The following LRP1B variants were observed in gnomAD, a reference collection of about 807,000 sequenced individuals.
LRP1B encodes LDL receptor related protein 1B.
LRP1B carries 217 observed loss-of-function variants against 556.6 expected under a neutral mutation model. The ratio of observed to expected loss-of-function variants is 0.39; its 90% CI spans 0.35 to 0.44. The LOEUF (loss-of-function observed/expected upper bound fraction) is 0.44, where lower values mean the gene tolerates loss of function less well. LRP1B is among the 20% of genes least tolerant of loss of function. The pLI, the probability that LRP1B is intolerant of heterozygous loss-of-function variation, is 1.00. For missense variants in LRP1B, 5,053 were observed against 5,620.8 expected, an observed-to-expected ratio of 0.90 and a Z score of 3.23; for synonymous variants, 2,047 against 1,865.8, an observed-to-expected ratio of 1.10 and a Z score of -2.50.
chr2:141,335,126 A>G (rs1303944047), intron 3 of LRP1B, among the ~76,000 whole-genome samples: 1 of 152,228 alleles, frequency 6.6e-6, no homozygotes, highest in Non-Finnish European at 1.5e-5. Flanking sequence ...ATAGCTACAA[A>G]TACTACAACT....
chr2:141,626,587 A>C (rs1166369852), intron 2 of LRP1B, among the ~76,000 whole-genome samples: 1 of 152,202 alleles, frequency 6.6e-6, no homozygotes, highest in Non-Finnish European at 1.5e-5. Flanking sequence ...CAAAATATAC[A>C]AAAAACTCTT....
chr2:140,924,961 T>C (rs982700554), intron 20 of LRP1B, among the ~76,000 whole-genome samples: 2 of 152,082 alleles, frequency 1.3e-5, no homozygotes, highest in Non-Finnish European at 2.9e-5. Flanking sequence ...CAAATGTATT[T>C]AGAAAATATC....
chr2:140,312,856 G>A (rs1291774112), intron 83 of LRP1B, among the ~76,000 whole-genome samples: 1 of 151,898 alleles, frequency 6.6e-6, no homozygotes, highest in African/African-American at 2.4e-5. Context: ...CCTCAACGAT[G>A]TGTACTTTTA....
At chr2:141,725,766 G>T (rs571263099) in intron 2 of LRP1B, among the ~76,000 whole-genome samples, 1 of 151,726 alleles carries the variant, frequency 6.6e-6, no homozygotes, top group Admixed American at 6.6e-5. Context: ...GTAGCTGAGA[G>T]AACACAGGGC....
At position 140,735,430 on chromosome 2, in the gene LRP1B, C is replaced by T. The variant is rs118039769; in HGVS notation, c.5759-18614G>A. ...TAGATTACAAAGAGGCTCATAACTCCCATGGTAGAAAAATGGACACAGCTG... is the reference window on the plus strand; with the variant it reads ...TAGATTACAAAGAGGCTCATAACTCTCATGGTAGAAAAATGGACACAGCTG... On this transcript the variant is annotated intron_variant, in intron 35 of 90. Coordinates refer to ENST00000389484, the MANE Select transcript of LRP1B (RefSeq NM_018557.3). 1.5e-3 allele frequency among the ~76,000 whole-genome samples: 235 copies of T among 152,180 alleles called. 4 individuals carry two copies. The East Asian group carries it at 0.038, about 25-fold the overall frequency.
intron 83 of LRP1B, among the ~76,000 whole-genome samples, chr2:140,308,403 T>C (rs1573767123): frequency 6.6e-6 from 1 of 151,976 alleles, no homozygotes; most frequent in South Asian, 2.1e-4. Context: ...CTAGCAAAAG[T>C]AATTCCTTCT....
chr2:141,364,658 C>T (rs1039182083), intron 3 of LRP1B, among the ~76,000 whole-genome samples: 2 of 152,056 alleles, frequency 1.3e-5, no homozygotes, highest in African/African-American at 4.8e-5. Flanking sequence ...TTCTATATCC[C>T]AAAGTACTTC....
intron 21 of LRP1B, among the ~76,000 whole-genome samples, chr2:140,909,992 T>C (rs969893787): frequency 6.6e-6 from 1 of 151,042 alleles, no homozygotes; most frequent in African/African-American, 2.4e-5. Context: ...GTACAGATAA[T>C]AATTTTCTCT....
At chr2:140,652,173 G>C (rs1056918277) in intron 41 of LRP1B, among the ~76,000 whole-genome samples, 11 of 151,794 alleles carry the variant, frequency 7.2e-5, no homozygotes, top group Non-Finnish European at 1.0e-4. Flanking sequence ...AATAATGCAA[G>C]TACAAAATTA....
chr2:140,937,578 T>G (rs1464149366), intron 20 of LRP1B, among the ~76,000 whole-genome samples: 1 of 152,120 alleles, frequency 6.6e-6, no homozygotes, highest in Non-Finnish European at 1.5e-5. Context: ...AAATGTGCAC[T>G]TAAAATCTTT....
intron 35 of LRP1B, among the ~76,000 whole-genome samples, chr2:140,768,707 G>A (rs1419366416): frequency 1.3e-5 from 2 of 151,830 alleles, no homozygotes; most frequent in African/African-American, 4.8e-5. Flanking sequence ...AGAAGGTAAA[G>A]TAAAATCTGA....
intron 2 of LRP1B, among the ~76,000 whole-genome samples, chr2:141,522,514 C>T (rs971893305): frequency 1.3e-5 from 2 of 152,046 alleles, no homozygotes. Context: ...AAGATCAGAT[C>T]GTATCTATAT....
At position 141,933,817 on chromosome 2, in the gene LRP1B, T is replaced by G. The variant is rs756514043; in HGVS notation, c.83-123416A>C. Among the ~76,000 whole-genome samples the G allele has an allele frequency of 8.5e-5, 13 of 152,278 alleles. No individual in the cohort carries two copies. In the South Asian group the frequency reaches 2.5e-3, roughly 29 times the overall value. On this transcript the variant is annotated intron_variant, in intron 1 of 90. Coordinates refer to ENST00000389484, the MANE Select transcript of LRP1B (RefSeq NM_018557.3). Reference sequence around the variant, plus strand: ...GAGGTTCTACAAAGCTCTAAATGAATGCTTCTTTAGGTCATTAGCCAAGAC... The same window carrying G: ...GAGGTTCTACAAAGCTCTAAATGAAGGCTTCTTTAGGTCATTAGCCAAGAC...
At position 141,964,664 on chromosome 2, in the gene LRP1B, C is replaced by G. The variant is rs1055182211; in HGVS notation, c.83-154263G>C. On this transcript the variant is annotated intron_variant, in intron 1 of 90. Coordinates refer to ENST00000389484, the MANE Select transcript of LRP1B (RefSeq NM_018557.3). Reference sequence around the variant, plus strand: ...ACCCTAGAAGAAAACCTAGGCATTACCATTCAGGACATAGGCGTGGGCAAG... The same window carrying G: ...ACCCTAGAAGAAAACCTAGGCATTAGCATTCAGGACATAGGCGTGGGCAAG... 7.3e-5 allele frequency among the ~76,000 whole-genome samples: 11 copies of G among 150,150 alleles called. No individual in the cohort carries two copies. The South Asian group carries it at 2.1e-3, about 29-fold the overall frequency.
intron 41 of LRP1B, among the ~76,000 whole-genome samples, chr2:140,666,301 T>TACACACACAC (rs56905500): frequency 1.9e-4 from 28 of 147,790 alleles, no homozygotes; most frequent in African/African-American, 2.0e-4. Context: ...CCATTTATTA[T>TACACACACAC]ACACACACAC....
intron 2 of LRP1B, among the ~76,000 whole-genome samples, chr2:141,527,550 G>T (rs1289599390): frequency 2.0e-5 from 3 of 151,892 alleles, no homozygotes; most frequent in Admixed American, 2.0e-4. Context: ...CTATACAAAT[G>T]GAATTCCATC....
In LRP1B at chr2:140,721,087, C is replaced by A. The variant is rs1209574720; in HGVS notation, c.5759-4271G>T. 2.6e-5 allele frequency among the ~76,000 whole-genome samples: 4 copies of A among 152,034 alleles called. No individual in the cohort carries two copies. In the East Asian group the frequency reaches 7.7e-4, roughly 29 times the overall value. ...AAAGTACATCTATGTATTTAAATAA[C>A]AGAAGGCAGAATTTAGATAACCTTT... On this transcript the variant is annotated intron_variant, in intron 35 of 90. Transcript: ENST00000389484.
intron 63 of LRP1B, among the ~76,000 whole-genome samples, chr2:140,447,668 CT>C (rs1686721308): frequency 6.6e-6 from 1 of 152,060 alleles, no homozygotes; most frequent in African/African-American, 2.4e-5. Flanking sequence ...CTTATAATAA[CT>C]TTTCCTTTGC....
chr2:141,752,828 G>A (rs567342689), intron 2 of LRP1B, among the ~76,000 whole-genome samples: 17 of 149,798 alleles, frequency 1.1e-4, no homozygotes, highest in East Asian at 4.0e-4. Context: ...TGGTCCCTGC[G>A]ACTTGCTTGG....
Sources: allele counts gnomAD v4.1 joint callset (sites outside exome capture counted in the v4.1 genomes callset), GRCh38; gene constraint gnomAD v4.1.1; transcripts MANE v1.5; gene names NCBI Gene and HGNC (gene_info 2026-07-23, HGNC 2026-07-21).